The following DENND4A variants were observed in gnomAD, a reference collection of about 807,000 sequenced individuals.
DENND4A encodes the protein C-myc promoter-binding protein.
Under a neutral mutation model 199.3 loss-of-function variants are expected in DENND4A, and 70 were observed. The ratio of observed to expected loss-of-function variants is 0.35; its 90% CI spans 0.29 to 0.43. The LOEUF (loss-of-function observed/expected upper bound fraction) is 0.43, where lower values mean the gene tolerates loss of function less well. DENND4A is among the 20% of genes least tolerant of loss of function. The pLI is 1.00. For synonymous variants in DENND4A, 686 were observed against 766.9 expected, an observed-to-expected ratio of 0.89 and a Z score of 1.74; for missense variants, 1,723 against 2,255.8, an observed-to-expected ratio of 0.76 and a Z score of 4.78.
At chr15:65,711,898 G>A (rs771855816) in intron 14 of DENND4A, among the ~76,000 whole-genome samples, 6 of 152,114 alleles carry the variant, frequency 3.9e-5, no homozygotes, top group African/African-American at 4.8e-5. Flanking sequence ...TGGGCTCCCC[G>A]CTCAGACTCT....
chr15:65,722,903 C>T lies in DENND4A; in HGVS notation c.1533G>A (p.Lys511=). ...KNVAWKILPK[K]PCKNLMNTLN... is the part of the protein sequence containing the mutation. ...GTGTGTTCATCAGATTTTTACATGGCTTCTTTGGAAGTATCTTCCAGGCTA... is the reference window on the plus strand; with the variant it reads ...GTGTGTTCATCAGATTTTTACATGGTTTCTTTGGAAGTATCTTCCAGGCTA... The change falls in exon 12 of 33, where the codon AAG becomes AAA. Residue 511 remains lysine, a synonymous_variant. Coordinates refer to ENST00000443035, the MANE Select transcript of DENND4A (RefSeq NM_001320835.1). 1.7e-5 allele frequency: 27 copies of T among 1,609,764 alleles called. No homozygotes were observed. Among genetic ancestry groups the T allele is most frequent in the Non-Finnish European group, 2.3e-5 (27 of 1,178,306 alleles).
rs746454114 is a variant in DENND4A, at chr15:65,669,817, T to C, written c.4749A>G (p.Thr1583=). 1.2e-6 allele frequency: 2 copies of C among 1,613,556 alleles called. No individual in the cohort carries two copies. Among genetic ancestry groups the C allele is most frequent in the Non-Finnish European group, 1.7e-6 (2 of 1,179,660 alleles). Residue 1583 remains threonine, a synonymous_variant, in exon 27 of 33, where the codon ACA becomes ACG. Transcript: ENST00000443035. ...CISTSASGLD[T]SALSVQGNFD... ...AATTCCCTTGAACAGAGAGAGCAGA[T>C]GTGTCAAGACCAGAGGCTGATGTTG...
chr15:65,735,696 C>A (rs748863811), intron 7 of DENND4A, among the ~76,000 whole-genome samples: 1 of 152,180 alleles, frequency 6.6e-6, no homozygotes, highest in South Asian at 2.1e-4. Context: ...CTGCTGTATA[C>A]AGAAGCACAA....
In DENND4A at chr15:65,667,884, G is replaced by A. The variant is rs749100391; in HGVS notation, c.4986+41C>T. On this transcript the variant is annotated intron_variant, in intron 28 of 32. Transcript: ENST00000443035. ...ACAAGGGGAACAAAATCATACGTAA[G>A]TGATCAATTTCCAAATAAAAAAATA... The A allele has an allele frequency of 2.5e-6, 4 of 1,573,828 alleles. No individual in the cohort carries two copies. The South Asian group carries it at 3.5e-5, about 14-fold the overall frequency.
At chr15:65,732,470 C>T (rs1285621102) in intron 8 of DENND4A, among the ~76,000 whole-genome samples, 1 of 152,082 alleles carries the variant, frequency 6.6e-6, no homozygotes, top group Non-Finnish European at 1.5e-5. Flanking sequence ...CTTTCAAATA[C>T]CTACAACAAA....
chr15:65,708,858 A>G (rs907823700), intron 14 of DENND4A, among the ~76,000 whole-genome samples: 5 of 152,212 alleles, frequency 3.3e-5, no homozygotes, highest in Non-Finnish European at 5.9e-5. Flanking sequence ...TCATATGAAG[A>G]ACAAGAACAC....
intron 3 of DENND4A, 117 bp from the exon 4 acceptor site, chr15:65,752,745 T>C: frequency 1.5e-6 from 1 of 672,896 alleles, no homozygotes; most frequent in Non-Finnish European, 2.4e-6. Context: ...ATTCCAATCT[T>C]ACTGCAATTT....
intron 11 of DENND4A, among the ~76,000 whole-genome samples, chr15:65,725,841 T>C (rs1023749542): frequency 1.3e-5 from 2 of 152,160 alleles, no homozygotes; most frequent in African/African-American, 4.8e-5. Context: ...GTCTGTATCA[T>C]ATATACTTAA....
chr15:65,716,671 G>A (rs551292925), intron 13 of DENND4A, among the ~76,000 whole-genome samples: 248 of 152,006 alleles, frequency 1.6e-3, no homozygotes, highest in African/African-American at 5.7e-3. Context: ...TTGGTTCCAA[G>A]TCTTTGTTAT....
At chr15:65,740,965 C>T (rs879455808) in intron 5 of DENND4A, among the ~76,000 whole-genome samples, 2 of 151,878 alleles carry the variant, frequency 1.3e-5, no homozygotes, top group Non-Finnish European at 1.5e-5. Context: ...CCGTACCCCC[C>T]CCAAAAAAAA....
At chr15:65,692,372 G>A (rs2077001993) in intron 22 of DENND4A, among the ~76,000 whole-genome samples, 1 of 152,126 alleles carries the variant, frequency 6.6e-6, no homozygotes, top group South Asian at 2.1e-4. Context: ...AATACTAAAA[G>A]CAGAAATCTA....
chr15:65,674,225 A>C (rs2076301666), intron 24 of DENND4A, among the ~76,000 whole-genome samples: 1 of 152,228 alleles, frequency 6.6e-6, no homozygotes, highest in Admixed American at 6.5e-5. Flanking sequence ...ATATCACTTA[A>C]AAGTATGATG....
At chr15:65,790,511 G>A (rs1210222333) in intron 1 of DENND4A, among the ~76,000 whole-genome samples, 1 of 152,106 alleles carries the variant, frequency 6.6e-6, no homozygotes, top group Non-Finnish European at 1.5e-5. Context: ...ACTCCACAGT[G>A]AAGTAGGTCT....
intron 14 of DENND4A, chr15:65,715,156 T>G (rs980424172): frequency 1.0e-5 from 2 of 190,674 alleles, no homozygotes; most frequent in Non-Finnish European, 2.1e-5. Context: ...AAAGGAGAGG[T>G]GAAAATCACA....
chr15:65,722,585 T>C (rs1199758627), intron 12 of DENND4A, among the ~76,000 whole-genome samples: 1 of 152,084 alleles, frequency 6.6e-6, no homozygotes, highest in Non-Finnish European at 1.5e-5. Flanking sequence ...AAGATGGTTC[T>C]ATAAAAATTT....
At chr15:65,709,922 G>T (rs1244594082) in intron 14 of DENND4A, among the ~76,000 whole-genome samples, 2 of 151,626 alleles carry the variant, frequency 1.3e-5, no homozygotes, top group East Asian at 3.9e-4. Context: ...ATTTTGAATA[G>T]ATAAATAACA....
rs994564675 is a variant in DENND4A at position 65,756,412 on chromosome 15, A to G, written c.39T>C (p.Phe13=). 6.2e-7 allele frequency: 1 copy of G among 1,612,944 alleles called. No individual in the cohort carries two copies. The change falls in exon 3 of 33, where the codon TTT becomes TTC. Residue 13 remains phenylalanine, a synonymous_variant. Coordinates refer to ENST00000443035, the MANE Select transcript of DENND4A (RefSeq NM_001320835.1). ...EDKGPRVADY[F]VVAGLTDVSK... Reference sequence around the variant, plus strand: ...AAACATCAGTTAATCCTGCTACAACAAAGTAGTCAGCAACACGAGGCCCCT... The same window carrying G: ...AAACATCAGTTAATCCTGCTACAACGAAGTAGTCAGCAACACGAGGCCCCT...
chr15:65,734,029 C>T (rs919590189), intron 7 of DENND4A, among the ~76,000 whole-genome samples: 5 of 152,120 alleles, frequency 3.3e-5, no homozygotes, highest in African/African-American at 9.7e-5. Context: ...AATATGGCCT[C>T]GTGGGAAGAG....
Position 65,690,972 on chromosome 15 carries a change from C to T in DENND4A, c.3622G>A (p.Ala1208Thr), listed in dbSNP as rs369632706. 5.0e-6 allele frequency: 8 copies of T among 1,603,352 alleles called. No homozygotes were observed. The highest frequency in any genetic ancestry group is 3.3e-5 in the South Asian group (3 of 89,890). The change falls in exon 23 of 33, where the codon GCA becomes ACA. Residue 1208 changes from alanine (A) to threonine (T), a missense_variant. Ala to Thr is a moderately conservative substitution (Grantham distance 58). Around this residue, in one of 6 missense-constraint regions of DENND4A, gnomAD observed 650 missense variants for 738.1 expected, o/e 0.88. Transcript: ENST00000443035. ...AGAGAGAGGGGATCAAATCCTGTTG[C>T]GACATCAGTTTTTTCAAAAGGTTTT... Reference protein sequence around the residue: ...SVKPFEKTDVATGFDPLSLLV... With the variant: ...SVKPFEKTDVTTGFDPLSLLV...
Sources: gnomAD v4.1 joint callset for allele counts (sites outside exome capture counted in the v4.1 genomes callset) on GRCh38, gnomAD v4.1.1 for gene constraint, gnomAD v4.1.1 regional missense constraint, MANE v1.5 for transcripts, NCBI Gene and HGNC (gene_info 2026-07-23, HGNC 2026-07-21) for gene names.